SLC1A1: variants seen among roughly 807,000 people sequenced by gnomAD.
The protein encoded by SLC1A1 is excitatory amino acid transporter 3.
A neutral mutation model predicts 53.3 loss-of-function variants in SLC1A1; 43 were observed. The ratio of observed to expected loss-of-function variants is 0.81; its 90% CI spans 0.63 to 1.04. The LOEUF (loss-of-function observed/expected upper bound fraction) is 1.04, where lower values mean the gene tolerates loss of function less well. Among genes scored for constraint, SLC1A1 ranks in the 50% least tolerant of loss-of-function variants. The pLI is 0.00. For synonymous variants in SLC1A1, 307 were observed against 243.2 expected (o/e 1.26, Z -2.44); for missense variants, 748 against 664.9 (o/e 1.12, Z -1.37).
intron 1 of SLC1A1, among the ~76,000 whole-genome samples, chr9:4,492,069 G>A (rs774148973): frequency 2.6e-5 from 4 of 152,252 alleles, no homozygotes; most frequent in Admixed American, 6.5e-5. Context: ...CCTAGCAGAG[G>A]CTATTTGTAG....
rs542483652 is a variant in SLC1A1 at position 4,558,851 on chromosome 9, G to A, written c.233-2598G>A. Among the ~76,000 whole-genome samples the A allele has an allele frequency of 7.2e-5, 11 of 152,254 alleles. No homozygotes were observed. The South Asian group carries it at 2.3e-3, about 32-fold the overall frequency. ...AAGAAGGACGACATATCTGAAAATAGATCCCATATTAGGGCTACAGATGAG... is the reference window on the plus strand; with the variant it reads ...AAGAAGGACGACATATCTGAAAATAAATCCCATATTAGGGCTACAGATGAG... On this transcript the variant is annotated intron_variant, in intron 2 of 11. Transcript: ENST00000262352.
intron 1 of SLC1A1, among the ~76,000 whole-genome samples, chr9:4,530,150 G>A (rs902952807): frequency 1.3e-5 from 2 of 152,100 alleles, no homozygotes; most frequent in Admixed American, 6.5e-5. Context: ...GGTTTGTGGA[G>A]GGGGAGAAAA....
chr9:4,537,278 G>GGATGTACCTTGAAAACAT (rs1435704400), intron 1 of SLC1A1, among the ~76,000 whole-genome samples: 3 of 40,984 alleles, frequency 7.3e-5, no homozygotes, highest in East Asian at 2.8e-4. Context: ...AATCACATGC[G>GGATGTACCTTGAAAACAT]GCCGGGCGCG....
intron 1 of SLC1A1, among the ~76,000 whole-genome samples, chr9:4,501,294 T>C (rs1302579038): frequency 4.6e-5 from 7 of 151,334 alleles, no homozygotes; most frequent in Non-Finnish European, 5.9e-5. Flanking sequence ...ACAATTTTCC[T>C]GCTATCATCA....
At chr9:4,510,865 A>C (rs1477115809) in intron 1 of SLC1A1, among the ~76,000 whole-genome samples, 1 of 152,142 alleles carries the variant, frequency 6.6e-6, no homozygotes, top group East Asian at 1.9e-4. Context: ...ATGTTCCCCC[A>C]AGCTTCTGGA....
intron 2 of SLC1A1, among the ~76,000 whole-genome samples, chr9:4,555,476 G>A (rs1313319782): frequency 6.6e-6 from 1 of 152,188 alleles, no homozygotes; most frequent in Non-Finnish European, 1.5e-5. Flanking sequence ...CCTTTGGAGT[G>A]TTTTTGTAAA....
At position 4,530,446 on chromosome 9, in the gene SLC1A1, C is replaced by T. The variant is rs1040090974; in HGVS notation, c.92-14121C>T. ...AGAAGCAGCAATCCCTCTTCCTGGG[C>T]GCAGAGATGCTGGTTTAACACAGTC... is the stretch of plus-strand genomic sequence containing the variant. On this transcript the variant is annotated intron_variant, in intron 1 of 11. Coordinates refer to ENST00000262352, the MANE Select transcript of SLC1A1 (RefSeq NM_004170.6). Among the ~76,000 whole-genome samples the T allele has an allele frequency of 3.2e-4, 48 of 152,176 alleles. 1 individual carries two copies. Among genetic ancestry groups the T allele is most frequent in the Admixed American group, 5.2e-4 (8 of 15,286 alleles).
intron 1 of SLC1A1, among the ~76,000 whole-genome samples, chr9:4,527,494 A>T (rs574028961): frequency 6.6e-6 from 1 of 152,274 alleles, no homozygotes; most frequent in South Asian, 2.1e-4. Flanking sequence ...GGCATTGATT[A>T]TTCACATTTT....
intron 2 of SLC1A1, among the ~76,000 whole-genome samples, chr9:4,548,442 G>C (rs1817663428): frequency 6.6e-6 from 1 of 152,110 alleles, no homozygotes; most frequent in Non-Finnish European, 1.5e-5. Flanking sequence ...AACACAGCTA[G>C]AATTCAGACC....
Position 4,585,670 on chromosome 9 carries a change from A to C in SLC1A1, c.*112A>C. 7.6e-7 allele frequency: 1 copy of C among 1,314,920 alleles called. No individual in the cohort carries two copies. The highest frequency in any genetic ancestry group is 1.1e-6 in the Non-Finnish European group (1 of 918,938). 81.5% of individuals were successfully genotyped at this position (1,314,920 alleles called of 1,614,324 possible). On this transcript the variant is annotated 3_prime_UTR_variant, in exon 12 of 12. Transcript: ENST00000262352. ...AATGGCCAAGTGTACATTTGATTTG[A>C]TATACAGACCTCCAGATTATTTTCT...
intron 1 of SLC1A1, among the ~76,000 whole-genome samples, chr9:4,540,034 T>C (rs182879502): frequency 2.4e-4 from 37 of 152,254 alleles, no homozygotes; most frequent in African/African-American, 8.9e-4. Context: ...TGCTCAAATG[T>C]TGCCTTTTCC....
intron 1 of SLC1A1, among the ~76,000 whole-genome samples, chr9:4,527,912 A>G (rs1481832324): frequency 6.6e-6 from 1 of 152,176 alleles, no homozygotes. Flanking sequence ...TAAGACCAGG[A>G]GCACATCAGA....
At chr9:4,574,314 T>G (rs1820347054) in intron 8 of SLC1A1, among the ~76,000 whole-genome samples, 2 of 152,234 alleles carry the variant, frequency 1.3e-5, no homozygotes, top group Non-Finnish European at 2.9e-5. Context: ...GTAGCCTCCC[T>G]TGGCTCTCTC....
At chr9:4,560,643 G>T (rs1222972999) in intron 2 of SLC1A1, among the ~76,000 whole-genome samples, 1 of 151,564 alleles carries the variant, frequency 6.6e-6, no homozygotes, top group Non-Finnish European at 1.5e-5. Flanking sequence ...TAAGCTTCCT[G>T]ACAGAAAAGG....
intron 10 of SLC1A1, among the ~76,000 whole-genome samples, chr9:4,579,117 G>A (rs1420729327): frequency 2.0e-5 from 3 of 152,080 alleles, no homozygotes; most frequent in Non-Finnish European, 4.4e-5. Flanking sequence ...TACACCATTT[G>A]GCACACCAGC....
intron 10 of SLC1A1, among the ~76,000 whole-genome samples, chr9:4,577,915 G>A (rs1371037851): frequency 6.6e-6 from 1 of 152,190 alleles, no homozygotes; most frequent in African/African-American, 2.4e-5. Flanking sequence ...GGTTGGAGAA[G>A]AGCTAATGAA....
intron 4 of SLC1A1, among the ~76,000 whole-genome samples, chr9:4,565,480 G>C (rs988356340): frequency 6.6e-6 from 1 of 152,162 alleles, no homozygotes. Context: ...AAGGCAAAGG[G>C]GAAGCAAGGC....
chr9:4,584,365 A>C (rs773081531), intron 11 of SLC1A1, among the ~76,000 whole-genome samples: 3 of 152,128 alleles, frequency 2.0e-5, no homozygotes, highest in Non-Finnish European at 1.5e-5. Flanking sequence ...CTTTCTAGTG[A>C]TGCTGGTGGA....
chr9:4,583,568 C>A lies in SLC1A1; in HGVS notation c.1328+396C>A, dbSNP rs923778845. Among the ~76,000 whole-genome samples, 1 of 152,122 alleles carries A rather than the reference C, an allele frequency of 6.6e-6. No individual in the cohort carries two copies. Among genetic ancestry groups the A allele is most frequent in the Admixed American group, 6.5e-5 (1 of 15,274 alleles). Reference sequence around the variant, plus strand: ...TCAGTCCGTCTTCCTAAGCATCTTCCGAACCATCAGGGACAGTGGCACAAG... The same window carrying A: ...TCAGTCCGTCTTCCTAAGCATCTTCAGAACCATCAGGGACAGTGGCACAAG... On this transcript the variant is annotated intron_variant, in intron 11 of 11. Transcript: ENST00000262352. The surrounding 1 kb of genome is among the most constrained non-coding windows in gnomAD (Gnocchi z 4.6).
Sources: allele counts gnomAD v4.1 joint callset (sites outside exome capture counted in the v4.1 genomes callset), GRCh38; gene constraint gnomAD v4.1.1; non-coding constraint Gnocchi (gnomAD v3.1); transcripts MANE v1.5; gene names NCBI Gene and HGNC (gene_info 2026-07-23, HGNC 2026-07-21).